The following SLC22A14 variants were observed in gnomAD, a reference collection of about 807,000 sequenced individuals.
SLC22A14 encodes organic cation transporter-like 4.
Under a neutral mutation model 53.9 loss-of-function variants are expected in SLC22A14, and 50 were observed. That is an observed-to-expected ratio of 0.93 (90% CI 0.74 to 1.17). SLC22A14 has a LOEUF of 1.17. Ranked by LOEUF, SLC22A14 falls within the 50% of genes most tolerant of loss-of-function variation. The pLI, the probability that SLC22A14 is intolerant of heterozygous loss-of-function variation, is 0.00. For synonymous variants in SLC22A14, 312 were observed against 303.0 expected (o/e 1.03, Z -0.31); for missense variants, 671 against 734.7 (o/e 0.91, Z 1.00).
At chr3:38,311,106 TG>T (rs1231220226) in intron 5 of SLC22A14, among the ~76,000 whole-genome samples, 1 of 152,208 alleles carries the variant, frequency 6.6e-6, no homozygotes, top group Admixed American at 6.5e-5. Flanking sequence ...AACTCCCCTT[TG>T]CCTAGCTCGA....
chr3:38,280,026 G>A (rs919251963), upstream of SLC22A14, among the ~76,000 whole-genome samples: 1 of 152,168 alleles, frequency 6.6e-6, no homozygotes, highest in African/African-American at 2.4e-5. Context: ...AACCAATGTG[G>A]CCAACTAGAG....
intron 1 of SLC22A14, among the ~76,000 whole-genome samples, chr3:38,282,784 A>G (rs575035000): frequency 4.6e-5 from 7 of 152,236 alleles, no homozygotes; most frequent in African/African-American, 1.4e-4. Flanking sequence ...CTGGTCCAGA[A>G]GCCACATCTC....
At chr3:38,281,038 G>A (rs537858736), upstream of SLC22A14, among the ~76,000 whole-genome samples, 2 of 152,164 alleles carry the variant, frequency 1.3e-5, no homozygotes, top group South Asian at 2.1e-4. Flanking sequence ...TGTCTGCTTG[G>A]TCCCTTTGAC....
chr3:38,309,189 G>A lies in SLC22A14; in HGVS notation c.944+67G>A, dbSNP rs139678700. 20 of 1,396,026 alleles carry A rather than the reference G, an allele frequency of 1.4e-5. No individual in the cohort carries two copies. The East Asian group carries it at 4.6e-4, about 32-fold the overall frequency. The allele number at this position is 1,396,026 out of a possible 1,614,324, so 86.5% of individuals were successfully genotyped here. A position where few individuals can be genotyped will look rare whatever the true frequency, so the allele number is the denominator to read the frequency against. ...TGGGCTGGATGTCGATGAGTATGGA[G>A]GGTCCTTGAAGCTGTGGGAATGGGT... On this transcript the variant is annotated intron_variant, in intron 5 of 10. Transcript: ENST00000448498.
chr3:38,318,552 A>G lies in SLC22A14; in HGVS notation c.*303A>G, dbSNP rs1329404968. 1 of 335,978 alleles carries G rather than the reference A, an allele frequency of 3.0e-6. No individual in the cohort carries two copies. Among genetic ancestry groups the G allele is most frequent in the African/African-American group, 2.1e-5 (1 of 48,254 alleles). 20.8% of individuals were successfully genotyped at this position (335,978 alleles called of 1,614,324 possible). The stretch of plus-strand genomic sequence containing the variant: ...AGGAGCTCTGCTGTGATTCATTCCA[A>G]TAAAGGTACAATGTTGGTCTTGAGA... On this transcript the variant is annotated 3_prime_UTR_variant, in exon 11 of 11. Transcript: ENST00000448498.
At chr3:38,279,770 T>G (rs572324718), upstream of SLC22A14, among the ~76,000 whole-genome samples, 1 of 152,290 alleles carries the variant, frequency 6.6e-6, no homozygotes, top group Admixed American at 6.5e-5. Flanking sequence ...GATATGCAGC[T>G]TCACTGGACC....
At chr3:38,291,341 AT>A (rs1375952481) in intron 1 of SLC22A14, among the ~76,000 whole-genome samples, 2 of 152,184 alleles carry the variant, frequency 1.3e-5, no homozygotes, top group Non-Finnish European at 2.9e-5. Context: ...GTTAAGTTCT[AT>A]CTTTTCTTCA....
chr3:38,286,536 G>A (rs960283643), intron 1 of SLC22A14, among the ~76,000 whole-genome samples: 21 of 148,702 alleles, frequency 1.4e-4, no homozygotes, highest in African/African-American at 2.5e-4. Context: ...TCGGCCTCCC[G>A]AGTAACTGGG....
chr3:38,285,815 G>A (rs1214521039), intron 1 of SLC22A14, among the ~76,000 whole-genome samples: 1 of 152,184 alleles, frequency 6.6e-6, no homozygotes, highest in Non-Finnish European at 1.5e-5. Flanking sequence ...GCATTGCTGG[G>A]TCATAAGGTA....
At chr3:38,316,292 C>T (rs779201740) in intron 9 of SLC22A14, 32 bp from the exon 10 acceptor site, 1 of 1,606,478 alleles carries the variant, frequency 6.2e-7, no homozygotes, top group Non-Finnish European at 8.5e-7. Flanking sequence ...ACCCGGCAGA[C>T]CCCTCACAGG....
At chr3:38,283,388 A>T (rs1033277004) in intron 1 of SLC22A14, among the ~76,000 whole-genome samples, 1 of 152,052 alleles carries the variant, frequency 6.6e-6, no homozygotes, top group Non-Finnish European at 1.5e-5. Flanking sequence ...ACATCTAAGC[A>T]TGCTCTCCCT....
At chr3:38,293,718 G>GT (rs148167570) in intron 1 of SLC22A14, among the ~76,000 whole-genome samples, 9,738 of 152,190 alleles carry the variant, frequency 0.064, 355 homozygotes, top group East Asian at 0.16. Flanking sequence ...GTTAGCAAAT[G>GT]TCTGCGGCAC....
chr3:38,302,234 C>CAA (rs10700097), intron 1 of SLC22A14, among the ~76,000 whole-genome samples: 7,632 of 103,482 alleles, frequency 0.074, 277 homozygotes, highest in Middle Eastern at 0.22. Flanking sequence ...GACTCTGTCT[C>CAA]AAAAAAAAAA....
At chr3:38,283,152 C>T (rs1009087018) in intron 1 of SLC22A14, among the ~76,000 whole-genome samples, 9 of 152,082 alleles carry the variant, frequency 5.9e-5, no homozygotes, top group South Asian at 4.2e-4. Context: ...ATCTTTATCA[C>T]GCTGCATTTC....
In SLC22A14 at chr3:38,318,563, A is replaced by C; in HGVS notation, c.*314A>C. ...TGTGATTCATTCCAATAAAGGTACA[A>C]TGTTGGTCTTGAGATGGCTGGGTCA... On this transcript the variant is annotated 3_prime_UTR_variant, in exon 11 of 11. Coordinates refer to ENST00000448498, the MANE Select transcript of SLC22A14 (RefSeq NM_001320033.2). 6.9e-6 allele frequency: 2 copies of C among 291,044 alleles called. No individual in the cohort carries two copies. Among genetic ancestry groups the C allele is most frequent in the Non-Finnish European group, 6.5e-6 (1 of 152,920 alleles). The allele number at this position is 291,044 out of a possible 1,614,324, so 18.0% of individuals were successfully genotyped here.
In SLC22A14 at chr3:38,313,734, G is replaced by T. The variant is rs73064822; in HGVS notation, c.1171G>T (p.Val391Phe). ...TLVMSCVWFT[V>F]SYTYFTLSLR... ...CCTCCTGGCTTCATCCAGGTTTACC[G>T]TCAGTTACACCTATTTTACGTTGAG... is the stretch of plus-strand genomic sequence containing the variant. Residue 391 changes from valine to phenylalanine, a missense_variant, in exon 8 of 11, where the codon GTC becomes TTC. Val to Phe is a conservative substitution (Grantham distance 50). Transcript: ENST00000448498. The T allele has an allele frequency of 4.8e-5, 78 of 1,612,276 alleles. No individual in the cohort carries two copies. In the South Asian group the frequency reaches 8.2e-4, roughly 17 times the overall value.
rs761849053 is a variant in SLC22A14, at chr3:38,307,210, C to A, written c.517-44C>A. ...CTGGGATGAGTCTCAGTCTCTGGAC[C>A]CAAAGGTGGGCACCCGTGGCCAATC... On this transcript the variant is annotated intron_variant, in intron 2 of 10. Coordinates refer to ENST00000448498, the MANE Select transcript of SLC22A14 (RefSeq NM_001320033.2). The surrounding 1 kb of genome is among the most constrained non-coding windows in gnomAD (Gnocchi z 4.4). 1 of 1,403,410 alleles carries A rather than the reference C, an allele frequency of 7.1e-7. No individual in the cohort carries two copies. Among genetic ancestry groups the A allele is most frequent in the Non-Finnish European group, 1.0e-6 (1 of 987,856 alleles). 86.9% of individuals were successfully genotyped at this position (1,403,410 alleles called of 1,614,324 possible). A position where few individuals can be genotyped will look rare whatever the true frequency, so the allele number is the denominator to read the frequency against.
upstream of SLC22A14, among the ~76,000 whole-genome samples, chr3:38,279,381 CA>C (rs1282798174): frequency 2.6e-5 from 4 of 152,202 alleles, no homozygotes; most frequent in Non-Finnish European, 4.4e-5. Context: ...AAGATATGGA[CA>C]CTTGCTCCCT....
rs186694477 is a variant in SLC22A14 at position 38,289,915 on chromosome 3, G to T, written c.-1+7576G>T. ...CCATACAAAGGGAGGGGACCCAAAG[G>T]GGGTAGCTGTTGCTGGCTTGAATGC... On this transcript the variant is annotated intron_variant, in intron 1 of 10. Coordinates refer to ENST00000448498, the MANE Select transcript of SLC22A14 (RefSeq NM_001320033.2). Among the ~76,000 whole-genome samples the T allele has an allele frequency of 8.4e-3, 1,278 of 152,330 alleles. 33 individuals carry two copies. In the South Asian group the frequency reaches 0.094, roughly 11 times the overall value.
Sources: gnomAD v4.1 joint callset for allele counts (sites outside exome capture counted in the v4.1 genomes callset) on GRCh38, gnomAD v4.1.1 for gene constraint, Gnocchi (gnomAD v3.1) non-coding constraint, MANE v1.5 for transcripts, NCBI Gene and HGNC (gene_info 2026-07-23, HGNC 2026-07-21) for gene names.